The following SSBP2 variants were observed in gnomAD, a reference collection of about 807,000 sequenced individuals.
SSBP2 encodes the protein single stranded DNA binding protein 2.
In SSBP2, 17 loss-of-function variants were observed where a neutral mutation model predicts 61.8. The observed-to-expected ratio is 0.28, with a 90% CI of 0.19 to 0.41. The LOEUF (loss-of-function observed/expected upper bound fraction) is 0.41, where lower values mean the gene tolerates loss of function less well. Among genes scored for constraint, SSBP2 ranks in the 10% least tolerant of loss-of-function variants. SSBP2 has a pLI of 1.00. For missense variants in SSBP2, 310 were observed against 458.7 expected, an observed-to-expected ratio of 0.68 and a Z score of 2.96; for synonymous variants, 139 against 141.3, an observed-to-expected ratio of 0.98 and a Z score of 0.12.
chr5:81,488,046 TATATATATATATAA>T lies in SSBP2; in HGVS notation c.432+1190_432+1203del, dbSNP rs1232974805. On this transcript the variant is annotated intron_variant, in intron 6 of 16. Coordinates refer to ENST00000320672, the MANE Select transcript of SSBP2 (RefSeq NM_012446.5). The stretch of plus-strand genomic sequence containing the variant: ...ATATATATATATATATATATATATA[TATATATATATATAA>T]ATAAAATATCATATATTATATATAT... Among the ~76,000 whole-genome samples the T allele has an allele frequency of 1.0e-3, 41 of 39,060 alleles. No homozygotes were observed. The South Asian group carries it at 0.012, about 11-fold the overall frequency. The allele number at this position is 39,060 out of a possible 152,430, so 25.6% of individuals were successfully genotyped here. A position where few individuals can be genotyped will look rare whatever the true frequency, so the allele number is the denominator to read the frequency against.
intron 1 of SSBP2, among the ~76,000 whole-genome samples, chr5:81,664,835 T>C (rs2153751158): frequency 6.6e-6 from 1 of 152,284 alleles, no homozygotes; most frequent in East Asian, 1.9e-4. Context: ...TATTTCCTTT[T>C]AAAAGGAAAT....
intron 1 of SSBP2, chr5:81,710,609 C>A: frequency 4.6e-6 from 2 of 437,356 alleles, no homozygotes; most frequent in African/African-American, 2.0e-5. Flanking sequence ...ACAACTTATT[C>A]TTAACTGACA....
intron 1 of SSBP2, among the ~76,000 whole-genome samples, chr5:81,737,093 C>A (rs1455792459): frequency 6.6e-6 from 1 of 152,104 alleles, no homozygotes; most frequent in Non-Finnish European, 1.5e-5. Context: ...ACTTTCAACA[C>A]CCACCTAACT....
rs145830782 is a variant in SSBP2 at position 81,552,515 on chromosome 5, A to T, written c.283-38798T>A. Among the ~76,000 whole-genome samples the T allele has an allele frequency of 2.9e-3, 446 of 152,034 alleles. 1 individual carries two copies. The highest frequency in any genetic ancestry group is 0.011 in the African/African-American group (437 of 41,496). On this transcript the variant is annotated intron_variant, in intron 4 of 16. Transcript: ENST00000320672. ...TAGCCAGGTGTGACGACACATGCCC[A>T]TAATCCCACCTACTTGGGAGGCTGA...
chr5:81,699,881 T>C (rs930236722), intron 1 of SSBP2, among the ~76,000 whole-genome samples: 1 of 144,878 alleles, frequency 6.9e-6, no homozygotes, highest in Non-Finnish European at 1.5e-5. Context: ...TTTTGAGACA[T>C]GGTCTGCTCT....
At chr5:81,529,057 G>C (rs955038910) in intron 4 of SSBP2, among the ~76,000 whole-genome samples, 1 of 151,896 alleles carries the variant, frequency 6.6e-6, no homozygotes, top group Non-Finnish European at 1.5e-5. Flanking sequence ...CTTTTAACCT[G>C]AGACTTGGCA....
intron 15 of SSBP2, among the ~76,000 whole-genome samples, chr5:81,429,493 TA>T (rs1295515798): frequency 6.6e-6 from 1 of 152,166 alleles, no homozygotes; most frequent in East Asian, 1.9e-4. Flanking sequence ...ATAGGAAATG[TA>T]GAATGACATT....
At chr5:81,601,065 C>T (rs184734004) in intron 4 of SSBP2, among the ~76,000 whole-genome samples, 37 of 152,160 alleles carry the variant, frequency 2.4e-4, no homozygotes, top group African/African-American at 8.2e-4. Context: ...TGAACAGCAG[C>T]GAAAAATAGT....
chr5:81,605,773 A>G (rs1459559744), intron 4 of SSBP2, among the ~76,000 whole-genome samples: 1 of 152,222 alleles, frequency 6.6e-6, no homozygotes, highest in African/African-American at 2.4e-5. Context: ...AGCCAGCCTC[A>G]TAATTTCACT....
At chr5:81,546,835 AATGCCAATCTT>A (rs1771762806) in intron 4 of SSBP2, among the ~76,000 whole-genome samples, 1 of 151,972 alleles carries the variant, frequency 6.6e-6, no homozygotes. Flanking sequence ...CTTCTAACAC[AATGCCAATCTT>A]ATGAACATTA....
intron 1 of SSBP2, among the ~76,000 whole-genome samples, chr5:81,712,864 C>T (rs1180498396): frequency 6.6e-6 from 1 of 151,722 alleles, no homozygotes; most frequent in Non-Finnish European, 1.5e-5. Context: ...TCTGGGACTA[C>T]AGGTATGCGC....
intron 3 of SSBP2, 138 bp from the exon 4 acceptor site, chr5:81,615,695 A>C: frequency 1.7e-6 from 1 of 591,110 alleles, no homozygotes; most frequent in African/African-American, 1.9e-5. Context: ...GAAAGACTTA[A>C]ACGCAAGCAA....
intron 3 of SSBP2, among the ~76,000 whole-genome samples, chr5:81,623,598 G>C (rs888360784): frequency 2.6e-5 from 4 of 151,824 alleles, no homozygotes; most frequent in Admixed American, 2.6e-4. Flanking sequence ...GCCTCCCAAA[G>C]TGCTGGGATT....
At chr5:81,626,558 C>T (rs1263951050) in intron 3 of SSBP2, among the ~76,000 whole-genome samples, 1 of 152,194 alleles carries the variant, frequency 6.6e-6, no homozygotes, top group Non-Finnish European at 1.5e-5. Context: ...ACAGTTCCAG[C>T]AGTCTGAGCA....
At chr5:81,692,174 A>G (rs1286916787) in intron 1 of SSBP2, among the ~76,000 whole-genome samples, 1 of 152,236 alleles carries the variant, frequency 6.6e-6, no homozygotes, top group African/African-American at 2.4e-5. Flanking sequence ...CAGGAAGCAA[A>G]ACCAACATAC....
At chr5:81,648,039 T>C (rs1581246722) in intron 2 of SSBP2, among the ~76,000 whole-genome samples, 1 of 152,086 alleles carries the variant, frequency 6.6e-6, no homozygotes, top group Non-Finnish European at 1.5e-5. Context: ...TTAAGTGAAT[T>C]GAGCCAATTC....
intron 10 of SSBP2, among the ~76,000 whole-genome samples, chr5:81,452,719 G>A (rs1763856883): frequency 6.6e-6 from 1 of 152,150 alleles, no homozygotes; most frequent in Non-Finnish European, 1.5e-5. Flanking sequence ...GGGAATTCAG[G>A]AAGTGGGGCA....
At chr5:81,504,631 A>G (rs1031241415) in intron 5 of SSBP2, among the ~76,000 whole-genome samples, 1 of 152,052 alleles carries the variant, frequency 6.6e-6, no homozygotes, top group African/African-American at 2.4e-5. Context: ...CCCTATCCAA[A>G]ACTTTTGCAA....
intron 4 of SSBP2, among the ~76,000 whole-genome samples, chr5:81,610,851 G>A (rs567399416): frequency 5.7e-4 from 87 of 152,122 alleles, no homozygotes; most frequent in African/African-American, 1.7e-3. Flanking sequence ...AAAATTAGCC[G>A]GGCATGGTGG....
Sources: gnomAD v4.1 joint callset for allele counts (sites outside exome capture counted in the v4.1 genomes callset) on GRCh38, gnomAD v4.1.1 for gene constraint, MANE v1.5 for transcripts, NCBI Gene and HGNC (gene_info 2026-07-23, HGNC 2026-07-21) for gene names.